The following AGAP1 variants were observed in gnomAD, a reference collection of about 807,000 sequenced individuals.
AGAP1 encodes the protein arf-GAP with GTPase, ANK repeat and PH domain-containing protein 1.
AGAP1 carries 29 observed loss-of-function variants against 105.3 expected under a neutral mutation model. That is an observed-to-expected ratio of 0.28 (90% CI 0.21 to 0.38). The LOEUF is 0.38. AGAP1 is among the 10% of genes least tolerant of loss of function. The pLI is 1.00. For synonymous variants in AGAP1, 509 were observed against 485.9 expected (o/e 1.05, Z -0.63); for missense variants, 998 against 1,165.1 (o/e 0.86, Z 2.09).
rs117205928 is a variant in AGAP1, at chr2:235,832,972, G to A, written c.1050+25641G>A. On this transcript the variant is annotated intron_variant, in intron 9 of 17. Coordinates refer to ENST00000304032, the MANE Select transcript of AGAP1 (RefSeq NM_001037131.3). ...AGTATCCTCTGCCACTGCCCTGACC[G>A]AGGACCAGGGCCTTTGGCTCTGAGA... Among the ~76,000 whole-genome samples the A allele has an allele frequency of 7.2e-5, 11 of 152,356 alleles. No individual in the cohort carries two copies. The East Asian group carries it at 1.2e-3, about 16-fold the overall frequency.
intron 1 of AGAP1, among the ~76,000 whole-genome samples, chr2:235,628,032 C>A (rs1304418481): frequency 6.6e-6 from 1 of 151,984 alleles, no homozygotes; most frequent in Non-Finnish European, 1.5e-5. Context: ...AGGGTCTGAG[C>A]CCCCCATGCA....
chr2:235,826,656 G>A (rs1959088078), intron 9 of AGAP1, among the ~76,000 whole-genome samples: 1 of 152,090 alleles, frequency 6.6e-6, no homozygotes, highest in African/African-American at 2.4e-5. Context: ...TACCATGTTG[G>A]CCAGGGTGGG....
chr2:235,907,358 T>C lies in AGAP1; in HGVS notation c.1156-1380T>C, dbSNP rs188308365. The stretch of plus-strand genomic sequence containing the variant: ...CGGTGGCTTGTGCCTGTAACCCCAG[T>C]GCTTTGGGAGGCTGAGGTGGGAGGG... On this transcript the variant is annotated intron_variant, in intron 10 of 17. Coordinates refer to ENST00000304032, the MANE Select transcript of AGAP1 (RefSeq NM_001037131.3). 2.1e-4 allele frequency among the ~76,000 whole-genome samples: 32 copies of C among 152,230 alleles called. No individual in the cohort carries two copies. The Middle Eastern group carries it at 0.01, about 49-fold the overall frequency.
intron 10 of AGAP1, among the ~76,000 whole-genome samples, chr2:235,895,535 C>T (rs1429445909): frequency 6.6e-6 from 1 of 152,206 alleles, no homozygotes; most frequent in Non-Finnish European, 1.5e-5. Flanking sequence ...GCTACTTCCT[C>T]TTGGGAGTTT....
chr2:235,678,540 G>C (rs945711114), intron 1 of AGAP1, among the ~76,000 whole-genome samples: 1 of 152,154 alleles, frequency 6.6e-6, no homozygotes, highest in Non-Finnish European at 1.5e-5. Flanking sequence ...TTGTTAGGAC[G>C]GGGGCTGTGT....
In AGAP1 at chr2:236,073,646, C is replaced by T. The variant is rs550192445; in HGVS notation, c.2114+24365C>T. Among the ~76,000 whole-genome samples, 17 of 152,190 alleles carry T rather than the reference C, an allele frequency of 1.1e-4. No homozygotes were observed. The highest frequency in any genetic ancestry group is 4.2e-4 in the South Asian group (2 of 4,814). ...TACCTATAACATAACCTGAGAATGG[C>T]GATTAAGTAACCTGGTCTTAACTCC... On this transcript the variant is annotated intron_variant, in intron 16 of 17. Coordinates refer to ENST00000304032, the MANE Select transcript of AGAP1 (RefSeq NM_001037131.3). The surrounding 1 kb of genome is among the most constrained non-coding windows in gnomAD (Gnocchi z 5.4).
intron 1 of AGAP1, among the ~76,000 whole-genome samples, chr2:235,525,519 A>G (rs1304911264): frequency 2.6e-5 from 4 of 152,178 alleles, no homozygotes; most frequent in African/African-American, 4.8e-5. Flanking sequence ...GGACTGATAC[A>G]TAATGTGGAG....
At chr2:235,506,228 G>A (rs1160125547) in intron 1 of AGAP1, among the ~76,000 whole-genome samples, 1 of 152,080 alleles carries the variant, frequency 6.6e-6, no homozygotes, top group East Asian at 1.9e-4. Context: ...ACTGTGCCCG[G>A]CCCTGTTTTA....
intron 1 of AGAP1, among the ~76,000 whole-genome samples, chr2:235,695,258 G>A (rs1420711959): frequency 6.6e-6 from 1 of 152,214 alleles, no homozygotes; most frequent in African/African-American, 2.4e-5. Context: ...TCTTAGAGGT[G>A]TAGAAAGGAA....
rs370001723 is a variant in AGAP1 at position 235,613,996 on chromosome 2, A to G, written c.164-95183A>G. On this transcript the variant is annotated intron_variant, in intron 1 of 17. Transcript: ENST00000304032. ...TATTGTGCATGAGTCAGAATTCAGA[A>G]TCTTTGGTATGGTTTTTTTTTTTTC... is the stretch of plus-strand genomic sequence containing the variant. Among the ~76,000 whole-genome samples the G allele has an allele frequency of 6.1e-5, 9 of 146,658 alleles. No homozygotes were observed. In the East Asian group the frequency reaches 9.8e-4, roughly 16 times the overall value.
At position 236,042,408 on chromosome 2, in the gene AGAP1, C is replaced by T. The variant is rs2057577822; in HGVS notation, c.1891+1567C>T. Among the ~76,000 whole-genome samples, 1 of 152,118 alleles carries T rather than the reference C, an allele frequency of 6.6e-6. No individual in the cohort carries two copies. Among genetic ancestry groups the T allele is most frequent in the Non-Finnish European group, 1.5e-5 (1 of 68,016 alleles). On this transcript the variant is annotated intron_variant, in intron 15 of 17. Coordinates refer to ENST00000304032, the MANE Select transcript of AGAP1 (RefSeq NM_001037131.3). This position sits in a 1 kb window ranked among gnomAD's most constrained non-coding sequence, Gnocchi z 5.6. Reference sequence around the variant, plus strand: ...TATCTTGAGGTTCTTCTTTAAAGTACCTCCTTATGTTTGAATGTTTAAGTT... The same window carrying T: ...TATCTTGAGGTTCTTCTTTAAAGTATCTCCTTATGTTTGAATGTTTAAGTT...
At chr2:235,804,543 A>G (rs1957742768) in intron 8 of AGAP1, among the ~76,000 whole-genome samples, 5 of 152,196 alleles carry the variant, frequency 3.3e-5, no homozygotes, top group Admixed American at 3.3e-4. Context: ...AAAGGGGGTA[A>G]ACGGGCTTCT....
chr2:235,889,290 A>C lies in AGAP1; in HGVS notation c.1155+5841A>C, dbSNP rs1381148652. ...AGCAGCCAGTCATGAAACTGGGGAAACCTGACATTGCAGGACACCGTGGGG... is the reference window on the plus strand; with the variant it reads ...AGCAGCCAGTCATGAAACTGGGGAACCCTGACATTGCAGGACACCGTGGGG... On this transcript the variant is annotated intron_variant, in intron 10 of 17. Transcript: ENST00000304032. This position sits in a 1 kb window ranked among gnomAD's most constrained non-coding sequence, Gnocchi z 4.6. 6.6e-6 allele frequency among the ~76,000 whole-genome samples: 1 copy of C among 152,142 alleles called. No individual in the cohort carries two copies. Among genetic ancestry groups the C allele is most frequent in the Non-Finnish European group, 1.5e-5 (1 of 68,016 alleles).
intron 13 of AGAP1, among the ~76,000 whole-genome samples, chr2:235,987,893 G>A (rs1385244268): frequency 1.3e-5 from 2 of 152,156 alleles, no homozygotes; most frequent in African/African-American, 4.8e-5. Flanking sequence ...CGGAATTAAA[G>A]AAGCTCCTGT....
At chr2:235,885,242 C>T (rs552541073) in intron 10 of AGAP1, among the ~76,000 whole-genome samples, 1 of 152,302 alleles carries the variant, frequency 6.6e-6, no homozygotes, top group Non-Finnish European at 1.5e-5. Context: ...CTGCCTTCCT[C>T]ACTCATAGTA....
rs563376395 is a variant in AGAP1, at chr2:235,792,649, A to G, written c.674-5110A>G. Among the ~76,000 whole-genome samples the G allele has an allele frequency of 3.3e-5, 5 of 152,298 alleles. No homozygotes were observed. The highest frequency in any genetic ancestry group is 7.2e-5 in the African/African-American group (3 of 41,580). On this transcript the variant is annotated intron_variant, in intron 6 of 17. Transcript: ENST00000304032. The surrounding 1 kb of genome is among the most constrained non-coding windows in gnomAD (Gnocchi z 5.3). ...CTGAGAAACTCTGGTGGTTGAACCA[A>G]TCATCTGTTAGGTCTGTTCTGTCCA...
chr2:235,843,272 C>T lies in AGAP1; in HGVS notation c.1050+35941C>T, dbSNP rs1296051987. 6.6e-6 allele frequency among the ~76,000 whole-genome samples: 1 copy of T among 152,124 alleles called. No individual in the cohort carries two copies. The highest frequency in any genetic ancestry group is 2.4e-5 in the African/African-American group (1 of 41,428). The stretch of plus-strand genomic sequence containing the variant: ...GCTTCGGCTGCGGCCTTCCAGCCCC[C>T]TGGGTCTCACTGCTTGCTGCCTCCC... On this transcript the variant is annotated intron_variant, in intron 9 of 17. Transcript: ENST00000304032. This position sits in a 1 kb window ranked among gnomAD's most constrained non-coding sequence, Gnocchi z 5.9.
chr2:235,846,387 G>A (rs1169684566), intron 9 of AGAP1, among the ~76,000 whole-genome samples: 1 of 148,724 alleles, frequency 6.7e-6, no homozygotes, highest in Non-Finnish European at 1.5e-5. Context: ...GCAGTGGTGC[G>A]ATGATCTCAG....
rs1306307810 is a variant in AGAP1, at chr2:235,875,494, A to G, written c.1051-7851A>G. On this transcript the variant is annotated intron_variant, in intron 9 of 17. Coordinates refer to ENST00000304032, the MANE Select transcript of AGAP1 (RefSeq NM_001037131.3). The surrounding 1 kb of genome is among the most constrained non-coding windows in gnomAD (Gnocchi z 4.0). ...CCACGAGGCTGTGCGGCTCAGGGCCAGGTCGGTTTTGAGTCACGTGCTTAC... is the reference window on the plus strand; with the variant it reads ...CCACGAGGCTGTGCGGCTCAGGGCCGGGTCGGTTTTGAGTCACGTGCTTAC... Among the ~76,000 whole-genome samples the G allele has an allele frequency of 1.3e-5, 2 of 152,194 alleles. No individual in the cohort carries two copies. The highest frequency in any genetic ancestry group is 2.9e-5 in the Non-Finnish European group (2 of 68,040).
Sources: allele counts gnomAD v4.1 joint callset (sites outside exome capture counted in the v4.1 genomes callset), GRCh38; gene constraint gnomAD v4.1.1; non-coding constraint Gnocchi (gnomAD v3.1); transcripts MANE v1.5; gene names NCBI Gene and HGNC (gene_info 2026-07-23, HGNC 2026-07-21).